MMP15: variants seen among roughly 807,000 people sequenced by gnomAD.
MMP15 encodes the protein matrix metalloproteinase-15.
A neutral mutation model predicts 65.0 loss-of-function variants in MMP15; 36 were observed. The ratio of observed to expected loss-of-function variants is 0.55; its 90% confidence interval spans 0.42 to 0.73. MMP15 has a LOEUF of 0.73. MMP15 is among the 30% of genes least tolerant of loss of function. The pLI is 0.00. For missense variants in MMP15, 870 were observed against 987.8 expected (o/e 0.88, Z 1.60); for synonymous variants, 428 against 410.2 (o/e 1.04, Z -0.52).
intron 5 of MMP15, 104 bp from the exon 6 acceptor site, chr16:58,041,513 C>T: frequency 7.7e-7 from 1 of 1,290,472 alleles, no homozygotes; most frequent in Admixed American, 2.3e-5. Context: ...TGTAGATGGA[C>T]AGGATTTTAC....
chr16:58,038,398 G>A lies in MMP15; in HGVS notation c.440+4G>A. 1 of 1,613,868 alleles carries A rather than the reference G, an allele frequency of 6.2e-7. No homozygotes were observed. The highest frequency in any genetic ancestry group is 8.5e-7 in the Non-Finnish European group (1 of 1,179,904). ...ACAACCACCATCTGACCTTTAGGTA[G>A]GGGGCTCAGCTGCCCAGGGAAGCAT... On this transcript the variant is annotated splice_donor_region_variant and intron_variant, in intron 3 of 9. Transcript: ENST00000219271.
Position 58,040,536 on chromosome 16 carries a change from G to A in MMP15, c.749-1G>A, listed in dbSNP as rs772720149. Reference sequence around the variant, plus strand: ...TGCTGCCCTCCTTCTCTCCCCAAAAGGAAACAACCTCTTCCTGGTGGCAGT... The same window carrying A: ...TGCTGCCCTCCTTCTCTCCCCAAAAAGAAACAACCTCTTCCTGGTGGCAGT... On this transcript the variant is annotated splice_acceptor_variant, in intron 4 of 9. Transcript: ENST00000219271. LOFTEE classifies it high-confidence loss of function. The A allele has an allele frequency of 6.2e-7, 1 of 1,612,352 alleles. No homozygotes were observed. Among genetic ancestry groups the A allele is most frequent in the Non-Finnish European group, 8.5e-7 (1 of 1,179,920 alleles).
At chr16:58,027,749 T>C (rs1432793850) in intron 1 of MMP15, among the ~76,000 whole-genome samples, 3 of 152,064 alleles carry the variant, frequency 2.0e-5, no homozygotes, top group Non-Finnish European at 2.9e-5. Context: ...CTCCCAGCCA[T>C]TTCCCCACCT....
rs375681437 is a variant in MMP15, at chr16:58,038,302, G to T, written c.348G>T (p.Gln116His). 5 of 1,613,942 alleles carry T rather than the reference G, an allele frequency of 3.1e-6. No homozygotes were observed. The highest frequency in any genetic ancestry group is 4.2e-6 in the Non-Finnish European group (5 of 1,180,036). ...MKRPRCGVPD[Q>H]FGVRVKANLR... ...GGCCCCGCTGTGGGGTGCCAGACCA[G>T]TTCGGGGTACGAGTGAAAGCCAACC... The change falls in exon 3 of 10, where the codon CAG becomes CAT. Residue 116 changes from glutamine to histidine, a missense_variant. Transcript: ENST00000219271.
chr16:58,035,053 C>T (rs561229817), intron 1 of MMP15, among the ~76,000 whole-genome samples: 1 of 152,102 alleles, frequency 6.6e-6, no homozygotes, highest in Non-Finnish European at 1.5e-5. Context: ...CCTCATCTGC[C>T]GGCAGCCAGT....
intron 1 of MMP15, 41 bp downstream of exon 1, chr16:58,026,553 T>C: frequency 1.6e-6 from 2 of 1,288,190 alleles, no homozygotes; most frequent in Non-Finnish European, 2.0e-6. Flanking sequence ...GGCTGGGGGC[T>C]TGGAGGGAGA....
chr16:58,041,287 T>G (rs1246264203), intron 5 of MMP15, among the ~76,000 whole-genome samples: 1 of 151,922 alleles, frequency 6.6e-6, no homozygotes, highest in Non-Finnish European at 1.5e-5. Flanking sequence ...CCCCAGCAAC[T>G]TGGAAATGCA....
At chr16:58,034,580 C>T (rs1959293306) in intron 1 of MMP15, among the ~76,000 whole-genome samples, 3 of 152,200 alleles carry the variant, frequency 2.0e-5, no homozygotes, top group African/African-American at 2.4e-5. Flanking sequence ...CTGCCAGCTT[C>T]GCCTTGTTAT....
chr16:58,036,026 T>C (rs1232463403), intron 1 of MMP15, among the ~76,000 whole-genome samples: 1 of 152,216 alleles, frequency 6.6e-6, no homozygotes. Flanking sequence ...CCGGCCAATA[T>C]GGCTGTCAGC....
chr16:58,040,721 G>GCTCA, intron 5 of MMP15, 23 bp downstream of exon 5: 1 of 1,613,638 alleles, frequency 6.2e-7, no homozygotes, highest in Non-Finnish European at 8.5e-7. Context: ...TGACCAGCGG[G>GCTCA]CTCTGCATGC....
chr16:58,037,495 C>T lies in MMP15; in HGVS notation c.186C>T (p.Tyr62=). The T allele has an allele frequency of 1.9e-6, 3 of 1,611,940 alleles. No homozygotes were observed. Among genetic ancestry groups the T allele is most frequent in the South Asian group, 1.1e-5 (1 of 91,088 alleles). Residue 62 remains tyrosine (Y), a synonymous_variant, in exon 2 of 10, where the codon TAC becomes TAT. Coordinates refer to ENST00000219271, the MANE Select transcript of MMP15 (RefSeq NM_002428.4). The part of the protein sequence containing the change: ...HAENWLRLYG[Y]LPQPSRHMST... Reference sequence around the variant, plus strand: ...AGAACTGGCTGCGGCTTTATGGCTACCTGCCTCAGCCCAGCCGCCATATGT... The same window carrying T: ...AGAACTGGCTGCGGCTTTATGGCTATCTGCCTCAGCCCAGCCGCCATATGT...
At chr16:58,034,007 C>T (rs1959284125) in intron 1 of MMP15, among the ~76,000 whole-genome samples, 1 of 152,260 alleles carries the variant, frequency 6.6e-6, no homozygotes, top group African/African-American at 2.4e-5. Context: ...CCCCAGAGCT[C>T]TCCTTCCCTC....
chr16:58,028,254 G>A (rs1372886353), intron 1 of MMP15, among the ~76,000 whole-genome samples: 1 of 152,170 alleles, frequency 6.6e-6, no homozygotes, highest in Non-Finnish European at 1.5e-5. Flanking sequence ...CAGGGAAGAA[G>A]CCATGGTTGC....
At chr16:58,027,722 C>T (rs1963842571) in intron 1 of MMP15, among the ~76,000 whole-genome samples, 1 of 152,216 alleles carries the variant, frequency 6.6e-6, no homozygotes, top group Admixed American at 6.5e-5. Context: ...GGAATTCCTC[C>T]TGGGCTCGAG....
At chr16:58,035,502 T>C (rs1484085344) in intron 1 of MMP15, among the ~76,000 whole-genome samples, 4 of 152,212 alleles carry the variant, frequency 2.6e-5, no homozygotes, top group Non-Finnish European at 5.9e-5. Context: ...GTCTCTGTCA[T>C]TTGCACGTTT....
chr16:58,041,962 C>T (rs1376030208), intron 6 of MMP15, 92 bp downstream of exon 6: 3 of 1,419,738 alleles, frequency 2.1e-6, no homozygotes, highest in Non-Finnish European at 2.8e-6. Flanking sequence ...CCCCGGGGAG[C>T]CATTAAGCCC....
chr16:58,026,852 C>A (rs968478232), intron 1 of MMP15, among the ~76,000 whole-genome samples: 5 of 152,252 alleles, frequency 3.3e-5, no homozygotes, highest in Non-Finnish European at 5.9e-5. Context: ...TCCTTCCTTC[C>A]CTCCAGGGCA....
chr16:58,045,563 C>A lies in MMP15; in HGVS notation c.*117C>A. 2.6e-6 allele frequency: 2 copies of A among 784,142 alleles called. No homozygotes were observed. The highest frequency in any genetic ancestry group is 3.9e-6 in the Non-Finnish European group (2 of 507,758). The allele number at this position is 784,142 out of a possible 1,614,324, so 48.6% of individuals were successfully genotyped here. On this transcript the variant is annotated 3_prime_UTR_variant, in exon 10 of 10. Coordinates refer to ENST00000219271, the MANE Select transcript of MMP15 (RefSeq NM_002428.4). ...TCTCAGCCCTCACACACCCTGTCTG[C>A]CCCGCCCTCATTATTTATGTCCAGG...
intron 5 of MMP15, 153 bp downstream of exon 5, chr16:58,040,851 T>G (rs1330576734): frequency 5.0e-6 from 6 of 1,190,946 alleles, no homozygotes; most frequent in Non-Finnish European, 6.0e-6. Context: ...GAATAAATGG[T>G]GGTACTGGAA....
Sources: gnomAD v4.1 joint callset for allele counts (sites outside exome capture counted in the v4.1 genomes callset) on GRCh38, gnomAD v4.1.1 for gene constraint, MANE v1.5 for transcripts, NCBI Gene and HGNC (gene_info 2026-07-23, HGNC 2026-07-21) for gene names.